NALF1: variants seen among roughly 807,000 people sequenced by gnomAD.
NALF1 encodes the protein NALCN channel auxiliary factor 1.
Under a neutral mutation model 48.4 loss-of-function variants are expected in NALF1, and 3 were observed. That is an observed-to-expected ratio of 0.06 (90% CI 0.03 to 0.16). NALF1 has a LOEUF of 0.16. NALF1 is among the 10% of genes least tolerant of loss of function. NALF1 has a pLI of 1.00. For missense variants in NALF1, 526 were observed against 571.5 expected, an observed-to-expected ratio of 0.92 and a Z score of 0.81; for synonymous variants, 262 against 245.7, an observed-to-expected ratio of 1.07 and a Z score of -0.62.
At chr13:107,849,959 C>T (rs2138641130) in intron 1 of NALF1, among the ~76,000 whole-genome samples, 1 of 152,262 alleles carries the variant, frequency 6.6e-6, no homozygotes, top group South Asian at 2.1e-4. Flanking sequence ...CAGGCTAATA[C>T]TTTTAGTAAT....
chr13:107,441,645 C>T (rs981109938), intron 1 of NALF1, among the ~76,000 whole-genome samples: 2 of 152,076 alleles, frequency 1.3e-5, no homozygotes, highest in African/African-American at 2.4e-5. Flanking sequence ...GAATGTGAGA[C>T]GTCAACAGGG....
At chr13:107,209,148 G>A (rs905606917) in intron 2 of NALF1, among the ~76,000 whole-genome samples, 1 of 152,152 alleles carries the variant, frequency 6.6e-6, no homozygotes, top group Non-Finnish European at 1.5e-5. Flanking sequence ...ATAGAAACAG[G>A]ATGAAGGCCA....
chr13:107,616,181 A>T (rs139302145), intron 1 of NALF1, among the ~76,000 whole-genome samples: 1,989 of 152,338 alleles, frequency 0.013, 29 homozygotes, highest in Non-Finnish European at 0.018. Flanking sequence ...AAAAGTTAAA[A>T]ATAAAAGTTT....
At chr13:107,317,298 A>C (rs940716822) in intron 1 of NALF1, among the ~76,000 whole-genome samples, 8 of 152,104 alleles carry the variant, frequency 5.3e-5, no homozygotes, top group Admixed American at 2.0e-4. Context: ...AATACATTTT[A>C]ATACACGTTT....
chr13:107,411,023 C>G (rs184772760), intron 1 of NALF1, among the ~76,000 whole-genome samples: 1 of 152,222 alleles, frequency 6.6e-6, no homozygotes, highest in Admixed American at 6.5e-5. Flanking sequence ...ATGCTTGCAA[C>G]TGGTCATCCA....
intron 1 of NALF1, among the ~76,000 whole-genome samples, chr13:107,789,416 A>G (rs1356213893): frequency 6.6e-6 from 1 of 152,210 alleles, no homozygotes; most frequent in African/African-American, 2.4e-5. Context: ...TTAAAATCAT[A>G]AAAAGTTCCA....
chr13:107,663,544 T>C (rs530383661), intron 1 of NALF1, among the ~76,000 whole-genome samples: 3 of 152,218 alleles, frequency 2.0e-5, no homozygotes, highest in Non-Finnish European at 4.4e-5. Flanking sequence ...TGTTTTGTTT[T>C]GTTGTCATTG....
intron 1 of NALF1, among the ~76,000 whole-genome samples, chr13:107,439,022 GAGAA>G (rs920830533): frequency 2.6e-5 from 4 of 151,694 alleles, no homozygotes; most frequent in Non-Finnish European, 2.9e-5. Flanking sequence ...TAAAAGTTGA[GAGAA>G]AGAAACTTCA....
intron 1 of NALF1, among the ~76,000 whole-genome samples, chr13:107,515,538 A>G (rs1485181620): frequency 6.6e-6 from 1 of 152,260 alleles, no homozygotes; most frequent in Non-Finnish European, 1.5e-5. Context: ...TTCATGAGGA[A>G]TAAACACTGG....
At chr13:107,269,878 C>CT (rs1311565529) in intron 1 of NALF1, among the ~76,000 whole-genome samples, 2 of 145,448 alleles carry the variant, frequency 1.4e-5, no homozygotes, top group African/African-American at 5.1e-5. Context: ...CTTGGAGTAG[C>CT]TGGGACTACA....
intron 1 of NALF1, among the ~76,000 whole-genome samples, chr13:107,539,700 G>A (rs3848031): frequency 0.39 from 59,922 of 151,852 alleles, 12,246 homozygotes; most frequent in East Asian, 0.52. Flanking sequence ...TGACTGTGTT[G>A]ACATTATTTG....
intron 1 of NALF1, among the ~76,000 whole-genome samples, chr13:107,442,494 GC>G (rs1292876565): frequency 6.6e-6 from 1 of 152,096 alleles, no homozygotes; most frequent in Admixed American, 6.6e-5. Context: ...ATGAAAATAG[GC>G]TTTTGTTCAC....
intron 1 of NALF1, among the ~76,000 whole-genome samples, chr13:107,813,932 T>C (rs890995195): frequency 6.6e-6 from 1 of 152,134 alleles, no homozygotes; most frequent in African/African-American, 2.4e-5. Context: ...ATTTTAGATA[T>C]AAACATATAA....
chr13:107,773,299 T>A (rs200897319), intron 1 of NALF1, among the ~76,000 whole-genome samples: 2 of 152,182 alleles, frequency 1.3e-5, no homozygotes, highest in Non-Finnish European at 2.9e-5. Flanking sequence ...TGTGAAACTA[T>A]CTTGATACAC....
At chr13:107,236,847 G>T (rs1880361146) in intron 1 of NALF1, among the ~76,000 whole-genome samples, 1 of 152,076 alleles carries the variant, frequency 6.6e-6, no homozygotes, top group Non-Finnish European at 1.5e-5. Flanking sequence ...TGAACATGTA[G>T]ACTTTTTTCC....
At chr13:107,806,355 A>T (rs1331335642) in intron 1 of NALF1, among the ~76,000 whole-genome samples, 1 of 152,198 alleles carries the variant, frequency 6.6e-6, no homozygotes, top group Non-Finnish European at 1.5e-5. Flanking sequence ...ATGTTAAAAC[A>T]TTCTAGATCA....
At chr13:107,438,833 A>AAAAAAAAAAAAAAAAAAAAAC in intron 1 of NALF1, among the ~76,000 whole-genome samples, 1 of 146,286 alleles carries the variant, frequency 6.8e-6, no homozygotes, top group Non-Finnish European at 1.5e-5. Flanking sequence ...ATCTCAAAAA[A>AAAAAAAAAAAAAAAAAAAAAC]AAAAAAAAAA....
intron 1 of NALF1, among the ~76,000 whole-genome samples, chr13:107,786,584 T>A: frequency 7.0e-6 from 1 of 143,110 alleles, no homozygotes. Context: ...TAAAAAAAAT[T>A]AGCTGGGCGT....
chr13:107,303,639 T>C (rs1419451036), intron 1 of NALF1, among the ~76,000 whole-genome samples: 2 of 152,106 alleles, frequency 1.3e-5, no homozygotes, highest in African/African-American at 4.8e-5. Flanking sequence ...GCAATGTAGA[T>C]TTTTTTCCCA....
Sources: gnomAD v4.1 joint callset for allele counts (sites outside exome capture counted in the v4.1 genomes callset) on GRCh38, gnomAD v4.1.1 for gene constraint, MANE v1.5 for transcripts, NCBI Gene and HGNC (gene_info 2026-07-23, HGNC 2026-07-21) for gene names.